The following OR9Q1 variants were observed in gnomAD, a reference collection of about 807,000 sequenced individuals.
OR9Q1 encodes olfactory receptor 9Q1.
For missense variants in OR9Q1, 374 were observed against 378.8 expected, an observed-to-expected ratio of 0.99 and a Z score of 0.11; for synonymous variants, 153 against 148.6, an observed-to-expected ratio of 1.03 and a Z score of -0.22.
chr11:58,039,282 C>T (rs1853137260), intron 1 of OR9Q1, among the ~76,000 whole-genome samples: 1 of 152,238 alleles, frequency 6.6e-6, no homozygotes, highest in Admixed American at 6.5e-5. Flanking sequence ...AGCCACTGCG[C>T]CCGGCCTAAA....
chr11:58,038,550 C>CT (rs1853129928), intron 1 of OR9Q1, among the ~76,000 whole-genome samples: 1 of 152,144 alleles, frequency 6.6e-6, no homozygotes, highest in Non-Finnish European at 1.5e-5. Context: ...TGATGCTTGT[C>CT]TTACTCTGAC....
chr11:58,178,135 A>C (rs1378663243), intron 2 of OR9Q1, among the ~76,000 whole-genome samples: 3 of 152,186 alleles, frequency 2.0e-5, no homozygotes, highest in Non-Finnish European at 2.9e-5. Flanking sequence ...GAACATGAAG[A>C]AATAAGCAGA....
At chr11:58,129,649 G>A (rs1854122414) in intron 2 of OR9Q1, among the ~76,000 whole-genome samples, 7 of 152,024 alleles carry the variant, frequency 4.6e-5, no homozygotes, top group Non-Finnish European at 5.9e-5. Flanking sequence ...CTACTCACTC[G>A]AGAAGGTGCG....
At chr11:58,103,753 AG>A (rs1436421235) in intron 2 of OR9Q1, among the ~76,000 whole-genome samples, 4 of 152,340 alleles carry the variant, frequency 2.6e-5, no homozygotes, top group Admixed American at 1.3e-4. Context: ...TCATAAGGAA[AG>A]AATTATTACC....
At chr11:58,067,653 C>T (rs979896236) in intron 2 of OR9Q1, among the ~76,000 whole-genome samples, 1 of 152,218 alleles carries the variant, frequency 6.6e-6, no homozygotes, top group Non-Finnish European at 1.5e-5. Flanking sequence ...GTACAGTGTA[C>T]AAAGCCTCCT....
chr11:58,118,508 T>C (rs903624806), intron 2 of OR9Q1: 1 of 1,594,374 alleles, frequency 6.3e-7, no homozygotes, highest in Non-Finnish European at 8.5e-7. Flanking sequence ...ATCTACATGC[T>C]CAGGGACACC....
chr11:58,046,723 C>A (rs373088702), intron 1 of OR9Q1, among the ~76,000 whole-genome samples: 7 of 151,920 alleles, frequency 4.6e-5, no homozygotes, highest in Admixed American at 3.9e-4. Flanking sequence ...GTTAGCTGGG[C>A]GTGGTAGTGG....
chr11:58,172,764 C>T (rs370662862), intron 2 of OR9Q1, among the ~76,000 whole-genome samples: 13 of 152,228 alleles, frequency 8.5e-5, no homozygotes, highest in Admixed American at 2.6e-4. Flanking sequence ...ATAATAATCA[C>T]GTCAGGGTAA....
intron 2 of OR9Q1, among the ~76,000 whole-genome samples, chr11:58,081,699 T>C (rs1252093420): frequency 6.6e-6 from 1 of 152,156 alleles, no homozygotes; most frequent in Non-Finnish European, 1.5e-5. Flanking sequence ...CCTAAGTTCT[T>C]TGTAGATTCT....
intron 2 of OR9Q1, among the ~76,000 whole-genome samples, chr11:58,065,446 C>T (rs908895098): frequency 1.3e-5 from 2 of 151,946 alleles, no homozygotes; most frequent in African/African-American, 4.8e-5. Flanking sequence ...AGACGTGGGG[C>T]AGGTGATGTA....
Position 58,153,664 on chromosome 11 carries a change from T to G in OR9Q1, c.-14-25767T>G, listed in dbSNP as rs892394645. Reference sequence around the variant, plus strand: ...TCCTGATATGATGTCTGGATTTCTCTTTCAGCCCAGCAGTTTGCAATCTCT... The same window carrying G: ...TCCTGATATGATGTCTGGATTTCTCGTTCAGCCCAGCAGTTTGCAATCTCT... On this transcript the variant is annotated intron_variant, in intron 2 of 2. Coordinates refer to ENST00000335397, the MANE Select transcript of OR9Q1 (RefSeq NM_001005212.4). Among the ~76,000 whole-genome samples, 11 of 152,318 alleles carry G rather than the reference T, an allele frequency of 7.2e-5. 1 individual carries two copies. In the East Asian group the frequency reaches 1.7e-3, roughly 24 times the overall value.
At chr11:58,173,391 G>T (rs772300363) in intron 2 of OR9Q1, among the ~76,000 whole-genome samples, 30 of 149,218 alleles carry the variant, frequency 2.0e-4, no homozygotes, top group Non-Finnish European at 3.3e-4. Context: ...GCAGTGTTTG[G>T]TTTTTTGTCC....
At chr11:58,071,552 A>G (rs1176617429) in intron 2 of OR9Q1, among the ~76,000 whole-genome samples, 1 of 152,082 alleles carries the variant, frequency 6.6e-6, no homozygotes, top group Non-Finnish European at 1.5e-5. Flanking sequence ...AGCCTAGCGA[A>G]GTAGAGTTTG....
At chr11:58,148,587 C>G (rs1257433300) in intron 2 of OR9Q1, among the ~76,000 whole-genome samples, 1 of 152,144 alleles carries the variant, frequency 6.6e-6, no homozygotes, top group Non-Finnish European at 1.5e-5. Context: ...CCATGGTTCT[C>G]CCATGCCTTT....
At chr11:58,086,579 A>G (rs1450646012) in intron 2 of OR9Q1, among the ~76,000 whole-genome samples, 1 of 151,932 alleles carries the variant, frequency 6.6e-6, no homozygotes, top group East Asian at 1.9e-4. Context: ...ATCATTCTTC[A>G]CAATAGCTCA....
rs1171278667 is a variant in OR9Q1, at chr11:58,179,735, T to G, written c.291T>G (p.Cys97Trp). The G allele has an allele frequency of 4.3e-6, 7 of 1,614,240 alleles. No individual in the cohort carries two copies. The highest frequency in any genetic ancestry group is 5.9e-6 in the Non-Finnish European group (7 of 1,180,038). The change falls in exon 3 of 3, where the codon TGT becomes TGG. Residue 97 changes from cysteine to tryptophan, a missense_variant. Physicochemically the swap from Cys to Trp is radical, Grantham distance 215. Transcript: ENST00000335397. ...EHGAALSYTRCAAQFFLFTFF... is the reference protein window; with the variant it reads ...EHGAALSYTRWAAQFFLFTFF... ...GGGCAGCTTTATCTTACACACGCTG[T>G]GCTGCTCAGTTCTTTCTGTTCACCT...
At chr11:58,109,030 A>G (rs747288431) in intron 2 of OR9Q1, 1 of 454,106 alleles carries the variant, frequency 2.2e-6, no homozygotes, top group Non-Finnish European at 4.4e-6. Flanking sequence ...GATAACCATG[A>G]CATTGGCTAG....
chr11:58,151,233 C>T (rs1259203358), intron 2 of OR9Q1, among the ~76,000 whole-genome samples: 1 of 152,174 alleles, frequency 6.6e-6, no homozygotes, highest in African/African-American at 2.4e-5. Context: ...TAAAAAGTCT[C>T]AGGATTAAGA....
intron 2 of OR9Q1, among the ~76,000 whole-genome samples, chr11:58,155,200 AT>A (rs1298248379): frequency 1.3e-5 from 2 of 152,236 alleles, no homozygotes; most frequent in Non-Finnish European, 2.9e-5. Flanking sequence ...AGAATTCATT[AT>A]TTTTTGTGAG....
Sources: allele counts gnomAD v4.1 joint callset (sites outside exome capture counted in the v4.1 genomes callset), GRCh38; gene constraint gnomAD v4.1.1; transcripts MANE v1.5; gene names NCBI Gene and HGNC (gene_info 2026-07-23, HGNC 2026-07-21).